Variants in MYRIP observed in about 807,000 individuals in gnomAD.
MYRIP encodes myosin VIIA and Rab interacting protein.
Under a neutral mutation model 98.0 loss-of-function variants are expected in MYRIP, and 49 were observed. The ratio of observed to expected loss-of-function variants is 0.50; its 90% CI spans 0.40 to 0.63. MYRIP has a LOEUF of 0.63. Among genes scored for constraint, MYRIP ranks in the 30% least tolerant of loss-of-function variants. The pLI, the probability that MYRIP is intolerant of heterozygous loss-of-function variation, is 0.00. For missense variants in MYRIP, 1,004 were observed against 1,058.2 expected (o/e 0.95, Z 0.71); for synonymous variants, 404 against 409.5 (o/e 0.99, Z 0.16).
intron 4 of MYRIP, among the ~76,000 whole-genome samples, chr3:40,155,164 C>G (rs1950201730): frequency 7.1e-6 from 1 of 141,640 alleles, no homozygotes; most frequent in Non-Finnish European, 1.5e-5. Flanking sequence ...ACAACAGTCC[C>G]CAGAGTGTGA....
intron 1 of MYRIP, among the ~76,000 whole-genome samples, chr3:39,866,428 C>T (rs548038779): frequency 1.3e-5 from 2 of 152,196 alleles, no homozygotes; most frequent in East Asian, 3.9e-4. Context: ...AACAAAACTA[C>T]CTGAAAAAGA....
chr3:40,172,027 G>A (rs754905744), intron 8 of MYRIP, among the ~76,000 whole-genome samples: 10 of 152,102 alleles, frequency 6.6e-5, no homozygotes, highest in Non-Finnish European at 8.8e-5. Flanking sequence ...GGAAAGACCC[G>A]CCCCCATGAT....
At chr3:40,136,276 A>G (rs1304756547) in intron 3 of MYRIP, among the ~76,000 whole-genome samples, 1 of 152,246 alleles carries the variant, frequency 6.6e-6, no homozygotes, top group Non-Finnish European at 1.5e-5. Context: ...AAAGATCAAA[A>G]GAGACAAAGA....
Position 40,096,165 on chromosome 3 carries a change from G to A in MYRIP, c.332+51894G>A, listed in dbSNP as rs569305246. Among the ~76,000 whole-genome samples, 75 of 151,886 alleles carry A rather than the reference G, an allele frequency of 4.9e-4. 1 individual carries two copies. The highest frequency in any genetic ancestry group is 1.7e-3 in the African/African-American group (71 of 41,396). On this transcript the variant is annotated intron_variant, in intron 3 of 16. Transcript: ENST00000302541. ...GGCCATTCTACCTCTAGATATACCC[G>A]AGATGGCAGTCAAATCCTAAACCGG... is the stretch of plus-strand genomic sequence containing the variant.
chr3:39,986,681 T>C (rs1465032618), intron 2 of MYRIP, among the ~76,000 whole-genome samples: 4 of 152,160 alleles, frequency 2.6e-5, no homozygotes, highest in Admixed American at 2.6e-4. Flanking sequence ...TCGGAGCTGC[T>C]CTTATCTCTG....
chr3:39,845,852 C>CAAAAAAA (rs3062461), intron 1 of MYRIP, among the ~76,000 whole-genome samples: 2 of 96,936 alleles, frequency 2.1e-5, no homozygotes. Flanking sequence ...TTTCCCCTAC[C>CAAAAAAA]AAAAAAAAAA....
intron 2 of MYRIP, among the ~76,000 whole-genome samples, chr3:39,922,028 G>C (rs1449528640): frequency 6.6e-6 from 1 of 152,036 alleles, no homozygotes; most frequent in Non-Finnish European, 1.5e-5. Flanking sequence ...CATAATAAGA[G>C]GACTATGAAC....
At chr3:40,177,768 G>T (rs375845467) in intron 8 of MYRIP, among the ~76,000 whole-genome samples, 7 of 151,924 alleles carry the variant, frequency 4.6e-5, no homozygotes, top group Admixed American at 4.6e-4. Context: ...TAATAATATC[G>T]TGATCTTATT....
chr3:39,824,302 T>C (rs1941202148), intron 1 of MYRIP, among the ~76,000 whole-genome samples: 2 of 152,198 alleles, frequency 1.3e-5, no homozygotes, highest in South Asian at 4.1e-4. Context: ...TCCAGCATTG[T>C]TCTCTTTGCT....
At chr3:39,821,531 A>T (rs1246447026) in intron 1 of MYRIP, among the ~76,000 whole-genome samples, 1 of 151,512 alleles carries the variant, frequency 6.6e-6, no homozygotes, top group East Asian at 1.9e-4. Flanking sequence ...TAATCTCTTA[A>T]ATTTACATGA....
At chr3:39,897,812 A>T (rs1261681836) in intron 1 of MYRIP, among the ~76,000 whole-genome samples, 7 of 146,914 alleles carry the variant, frequency 4.8e-5, no homozygotes. Context: ...TTCTTTACAA[A>T]AACAAGTCCT....
chr3:40,202,583 C>T (rs1951599111), intron 10 of MYRIP, among the ~76,000 whole-genome samples: 1 of 152,072 alleles, frequency 6.6e-6, no homozygotes, highest in Admixed American at 6.5e-5. Flanking sequence ...TTGGGTTCTC[C>T]CCCTGCTTTG....
At chr3:40,247,079 T>C (rs191911535) in intron 13 of MYRIP, among the ~76,000 whole-genome samples, 392 of 152,358 alleles carry the variant, frequency 2.6e-3, no homozygotes, top group South Asian at 6.6e-3. Flanking sequence ...TAGCAAATAC[T>C]TCTTGAATGA....
At chr3:40,002,476 A>T (rs927596663) in intron 2 of MYRIP, among the ~76,000 whole-genome samples, 2 of 151,980 alleles carry the variant, frequency 1.3e-5, no homozygotes, top group African/African-American at 4.8e-5. Flanking sequence ...CGGAGGTTGT[A>T]TTGAGCTGAG....
chr3:39,927,364 G>T (rs13090718), intron 2 of MYRIP, among the ~76,000 whole-genome samples: 39,553 of 151,702 alleles, frequency 0.26, 5,675 homozygotes, highest in Middle Eastern at 0.37. Context: ...GTACCATGTT[G>T]AATAGGACTG....
At position 40,162,695 on chromosome 3, in the gene MYRIP, A is replaced by G. The variant is rs199540460; in HGVS notation, c.470-35A>G. 31 of 1,581,822 alleles carry G rather than the reference A, an allele frequency of 2.0e-5. No homozygotes were observed. In the East Asian group the frequency reaches 6.9e-4, roughly 35 times the overall value. On this transcript the variant is annotated intron_variant, in intron 4 of 16. Coordinates refer to ENST00000302541, the MANE Select transcript of MYRIP (RefSeq NM_015460.4). ...GGTTCACTGAAGACCTTTGATAATCATATTCATTCTCTTCTCCCACCCCTA... is the reference window on the plus strand; with the variant it reads ...GGTTCACTGAAGACCTTTGATAATCGTATTCATTCTCTTCTCCCACCCCTA...
intron 2 of MYRIP, among the ~76,000 whole-genome samples, chr3:40,030,718 A>G (rs1478003880): frequency 1.3e-5 from 2 of 152,222 alleles, no homozygotes; most frequent in East Asian, 3.8e-4. Context: ...GAAAGAAGCC[A>G]GACACAGAAG....
chr3:39,828,409 G>C (rs1381545248), intron 1 of MYRIP, among the ~76,000 whole-genome samples: 2 of 151,638 alleles, frequency 1.3e-5, no homozygotes. Flanking sequence ...CTGTTGTATT[G>C]TCTTGTATAT....
chr3:40,049,263 C>A (rs139204065), intron 3 of MYRIP, among the ~76,000 whole-genome samples: 222 of 152,264 alleles, frequency 1.5e-3, no homozygotes, highest in Non-Finnish European at 2.0e-3. Context: ...GGCAACCCTG[C>A]ATTGAGCAAG....
Sources: gnomAD v4.1 joint callset for allele counts (sites outside exome capture counted in the v4.1 genomes callset) on GRCh38, gnomAD v4.1.1 for gene constraint, MANE v1.5 for transcripts, NCBI Gene and HGNC (gene_info 2026-07-23, HGNC 2026-07-21) for gene names.